The following KLHL22 variants were observed in gnomAD, a reference collection of about 807,000 sequenced individuals.
KLHL22 encodes kelch-like protein 22.
A neutral mutation model predicts 60.7 loss-of-function variants in KLHL22; 18 were observed. The ratio of observed to expected loss-of-function variants is 0.30; its 90% CI spans 0.20 to 0.44. KLHL22 has a LOEUF of 0.44. KLHL22 is among the 20% of genes least tolerant of loss of function. The pLI, the probability that KLHL22 is intolerant of heterozygous loss-of-function variation, is 1.00. For missense variants in KLHL22, 596 were observed against 852.3 expected (o/e 0.70, Z 3.74); for synonymous variants, 355 against 354.5 (o/e 1.00, Z -0.01).
intron 1 of KLHL22, among the ~76,000 whole-genome samples, chr22:20,492,528 C>T (rs188899065): frequency 1.0e-3 from 159 of 152,226 alleles, no homozygotes; most frequent in African/African-American, 3.6e-3. Context: ...AGGTCTAGCT[C>T]GATTACTTCT....
intron 2 of KLHL22, among the ~76,000 whole-genome samples, chr22:20,477,007 G>A (rs2053426313): frequency 6.6e-6 from 1 of 151,372 alleles, no homozygotes; most frequent in Non-Finnish European, 1.5e-5. Flanking sequence ...CGTCTGGCCG[G>A]ACACAAACTT....
chr22:20,472,756 C>T (rs925772130), intron 2 of KLHL22, among the ~76,000 whole-genome samples: 4 of 151,944 alleles, frequency 2.6e-5, no homozygotes, highest in African/African-American at 9.7e-5. Flanking sequence ...TAAATAAATG[C>T]TAAGAAGGAA....
At chr22:20,474,405 T>C (rs149044064) in intron 2 of KLHL22, among the ~76,000 whole-genome samples, 2 of 152,198 alleles carry the variant, frequency 1.3e-5, no homozygotes, top group African/African-American at 4.8e-5. Flanking sequence ...TATTTTATTT[T>C]TTTAAGATGG....
intron 2 of KLHL22, among the ~76,000 whole-genome samples, chr22:20,481,550 G>A (rs2053501423): frequency 6.6e-6 from 1 of 152,062 alleles, no homozygotes; most frequent in Non-Finnish European, 1.5e-5. Flanking sequence ...TCCCGCCCGG[G>A]CGACAGAGAG....
At chr22:20,462,099 C>CAAAATAAA (rs2053163678) in intron 4 of KLHL22, among the ~76,000 whole-genome samples, 1 of 149,662 alleles carries the variant, frequency 6.7e-6, no homozygotes, top group South Asian at 2.1e-4. Context: ...GACTCCATCT[C>CAAAATAAA]AAAACAAAAA....
intron 2 of KLHL22, among the ~76,000 whole-genome samples, chr22:20,477,627 AG>A (rs774617949): frequency 2.0e-5 from 3 of 152,204 alleles, no homozygotes; most frequent in Admixed American, 1.3e-4. Context: ...AACACAAAAA[AG>A]TTCACTGCAT....
At chr22:20,467,449 G>C (rs548611674) in intron 3 of KLHL22, among the ~76,000 whole-genome samples, 4 of 152,272 alleles carry the variant, frequency 2.6e-5, no homozygotes, top group South Asian at 2.1e-4. Flanking sequence ...GATCACCCTG[G>C]TGTTTGATGC....
chr22:20,482,503 C>T (rs1383739984), intron 2 of KLHL22, among the ~76,000 whole-genome samples: 1 of 152,118 alleles, frequency 6.6e-6, no homozygotes, highest in African/African-American at 2.4e-5. Context: ...AGTGATCCTC[C>T]CACCTCGGCC....
At chr22:20,475,934 G>A (rs778866010) in intron 2 of KLHL22, among the ~76,000 whole-genome samples, 24 of 152,218 alleles carry the variant, frequency 1.6e-4, no homozygotes, top group Non-Finnish European at 2.9e-4. Flanking sequence ...TTTTGTTTTC[G>A]ACAATTTCCT....
intron 5 of KLHL22, chr22:20,450,040 A>G: frequency 1.5e-6 from 1 of 654,680 alleles, no homozygotes; most frequent in South Asian, 1.7e-5. Flanking sequence ...GGCTGGGGAC[A>G]GGCCCTGGCG....
At chr22:20,482,867 A>C in intron 2 of KLHL22, 1 of 1,239,600 alleles carries the variant, frequency 8.1e-7, no homozygotes, top group Non-Finnish European at 1.2e-6. Flanking sequence ...TTTGCCATCC[A>C]TTATCTGGCA....
intron 3 of KLHL22, among the ~76,000 whole-genome samples, chr22:20,468,043 C>T (rs1377226738): frequency 2.0e-5 from 3 of 152,180 alleles, no homozygotes; most frequent in Admixed American, 2.0e-4. Flanking sequence ...AGGTGACATG[C>T]TAAGAGCTGG....
intron 2 of KLHL22, among the ~76,000 whole-genome samples, chr22:20,484,405 G>A (rs2053554345): frequency 6.6e-6 from 1 of 151,980 alleles, no homozygotes; most frequent in Non-Finnish European, 1.5e-5. Flanking sequence ...AGCGATTCTT[G>A]AGCCTCACCC....
At chr22:20,482,336 T>C (rs974615186) in intron 2 of KLHL22, 1 of 158,128 alleles carries the variant, frequency 6.3e-6, no homozygotes, top group Admixed American at 6.2e-5. Flanking sequence ...ATTGATGGAA[T>C]GCCATGATTC....
chr22:20,442,132 C>A lies in KLHL22; in HGVS notation c.1846G>T (p.Ala616Ser). 6.5e-7 allele frequency: 1 copy of A among 1,535,030 alleles called. No individual in the cohort carries two copies. The highest frequency in any genetic ancestry group is 8.8e-7 in the Non-Finnish European group (1 of 1,139,654). Residue 616 changes from alanine to serine, a missense_variant, in exon 7 of 7, where the codon GCC (alanine) becomes TCC (serine). Transcript: ENST00000328879. The stretch of plus-strand genomic sequence containing the variant: ...TCAGACACACTCATCACCTCAGAGG[C>A]AAAGTCCGGGTCGGCCTGGCTGCGG... ...PDRSQADPDF[A>S]SEVMSVSDWE...
chr22:20,493,056 C>A, intron 1 of KLHL22: 1 of 432,162 alleles, frequency 2.3e-6, no homozygotes, highest in Non-Finnish European at 4.8e-6. Context: ...TCATCACCAC[C>A]ATGACCACCG....
At chr22:20,451,691 T>C (rs779454424) in intron 5 of KLHL22, 132 of 1,597,730 alleles carry the variant, frequency 8.3e-5, no homozygotes, top group Non-Finnish European at 1.1e-4. Flanking sequence ...CTCTATGCAA[T>C]TGCAGGATAT....
chr22:20,441,716 T>C lies in KLHL22; in HGVS notation c.*357A>G. 4.5e-6 allele frequency: 1 copy of C among 222,960 alleles called. No individual in the cohort carries two copies. The highest frequency in any genetic ancestry group is 1.0e-4 in the East Asian group (1 of 9,834). The allele number at this position is 222,960 out of a possible 1,614,324, so 13.8% of individuals were successfully genotyped here. A position where few individuals can be genotyped will look rare whatever the true frequency, so the allele number is the denominator to read the frequency against. ...CCCACCCCATTCACAGAAAGAGGGC[T>C]ACCACGTGCCTCAGCCCCCCTGCCC... On this transcript the variant is annotated 3_prime_UTR_variant, in exon 7 of 7. Coordinates refer to ENST00000328879, the MANE Select transcript of KLHL22 (RefSeq NM_032775.4).
At chr22:20,453,888 C>A (rs1381026098) in intron 5 of KLHL22, among the ~76,000 whole-genome samples, 1 of 152,092 alleles carries the variant, frequency 6.6e-6, no homozygotes, top group African/African-American at 2.4e-5. Flanking sequence ...GTGTGTGCCA[C>A]CACACCCAGC....
Sources: gnomAD v4.1 joint callset for allele counts (sites outside exome capture counted in the v4.1 genomes callset) on GRCh38, gnomAD v4.1.1 for gene constraint, MANE v1.5 for transcripts, NCBI Gene and HGNC (gene_info 2026-07-23, HGNC 2026-07-21) for gene names.